Variants in INCA1 observed in about 807,000 individuals in gnomAD.
INCA1 encodes inhibitor of CDK, cyclin A1 interacting protein 1, also known as protein INCA1.
In INCA1, 28 loss-of-function variants were observed where a neutral mutation model predicts 25.7. That is an observed-to-expected ratio of 1.09 (90% CI 0.81 to 1.49). The LOEUF (loss-of-function observed/expected upper bound fraction) is 1.49, where lower values mean the gene tolerates loss of function less well. Among genes scored for constraint, INCA1 ranks in the 40% most tolerant of loss-of-function variants. The pLI, the probability that INCA1 is intolerant of heterozygous loss-of-function variation, is 0.00. For missense variants in INCA1, 309 were observed against 290.9 expected, an observed-to-expected ratio of 1.06 and a Z score of -0.45; for synonymous variants, 111 against 103.6, an observed-to-expected ratio of 1.07 and a Z score of -0.43.
chr17:4,989,561 GC>G lies in INCA1; in HGVS notation c.261del (p.Met87IlefsTer27). 1 of 1,614,230 alleles carries G rather than the reference GC, an allele frequency of 6.2e-7. No homozygotes were observed. On this transcript the variant is annotated frameshift_variant, in exon 5 of 7. Coordinates refer to ENST00000576820, the Ensembl canonical transcript of INCA1. LOFTEE classifies it high-confidence loss of function. ...GGCCTCCTCTTCTTTCTTCTCCAAA[GC>G]ATTTCAGGGGGTGGGAGCTGCTCAG...
chr17:4,995,633 T>TA lies in INCA1; in HGVS notation c.-38-1159dup, dbSNP rs1329103675. Among the ~76,000 whole-genome samples the TA allele has an allele frequency of 5.8e-3, 849 of 147,142 alleles. 5 individuals are homozygous for TA. Among genetic ancestry groups the TA allele is most frequent in the African/African-American group, 0.011 (460 of 40,332 alleles). On this transcript the variant is annotated intron_variant, in intron 1 of 6. Coordinates refer to ENST00000576820, the Ensembl canonical transcript of INCA1. ...AATACAGAGAGACGTCATCTCTATT[T>TA]AAAAAAAAAAAGTTGGCTGGGTGTG... is the stretch of plus-strand genomic sequence containing the variant.
At chr17:4,989,615 C>A in exon 5 of INCA1, 2 of 1,613,680 alleles carry the variant, frequency 1.2e-6, no homozygotes, top group Non-Finnish European at 1.7e-6. Flanking sequence ...TGGGAGCAAC[C>A]AGTGGCTCTC....
chr17:4,988,774 A>G lies in INCA1; in HGVS notation c.561+5T>C, dbSNP rs1446333950. ...TCACTCCACCCAGTTCCACTCCAAC[A>G]ATACCTGGGCCCTGCCAGGAGTGAG... On this transcript the variant is annotated splice_donor_5th_base_variant and intron_variant, in intron 6 of 6. Transcript: ENST00000576820. 1 of 1,614,112 alleles carries G rather than the reference A, an allele frequency of 6.2e-7. No individual in the cohort carries two copies. The highest frequency in any genetic ancestry group is 8.5e-7 in the Non-Finnish European group (1 of 1,179,970).
At chr17:4,994,531 C>A in intron 1 of INCA1, 56 bp from the exon 2 acceptor site, 1 of 1,381,248 alleles carries the variant, frequency 7.2e-7, no homozygotes. Flanking sequence ...GTGGCTCACG[C>A]CTGTAATCCC....
At chr17:4,993,645 A>G (rs1447420242) in intron 2 of INCA1, among the ~76,000 whole-genome samples, 2 of 143,646 alleles carry the variant, frequency 1.4e-5, no homozygotes, top group Non-Finnish European at 3.0e-5. Context: ...ATTTTTTTGT[A>G]TTTTTAGTAG....
chr17:4,989,809 G>T (rs967343555), intron 4 of INCA1, 81 bp downstream of exon 4: 5 of 1,599,472 alleles, frequency 3.1e-6, no homozygotes, highest in Non-Finnish European at 4.3e-6. Context: ...GAGGGAAGCG[G>T]TAATAAGGAG....
At chr17:4,992,117 AATG>A (rs1239145161) in intron 2 of INCA1, among the ~76,000 whole-genome samples, 2 of 152,180 alleles carry the variant, frequency 1.3e-5, no homozygotes, top group Non-Finnish European at 2.9e-5. Context: ...TTATCCATAC[AATG>A]ATAATTATTG....
exon 5 of INCA1, chr17:4,989,439 G>A: frequency 1.2e-6 from 2 of 1,613,338 alleles, no homozygotes; most frequent in Non-Finnish European, 1.7e-6. Flanking sequence ...CGTTGATGAT[G>A]CTCTGACGCC....
intron 5 of INCA1, 60 bp downstream of exon 5, chr17:4,989,368 A>T: frequency 6.6e-7 from 1 of 1,514,950 alleles, no homozygotes; most frequent in South Asian, 1.2e-5. Flanking sequence ...TCCTTAGCTC[A>T]AACTGTTCTG....
chr17:4,988,748 C>G (rs1973562575), intron 6 of INCA1, 31 bp downstream of exon 6: 1 of 1,612,996 alleles, frequency 6.2e-7, no homozygotes, highest in Non-Finnish European at 8.5e-7. Flanking sequence ...ACATCACTCC[C>G]TCACTCCACC....
chr17:4,996,408 G>T (rs1325760249), intron 1 of INCA1, among the ~76,000 whole-genome samples: 2 of 150,202 alleles, frequency 1.3e-5, no homozygotes, highest in African/African-American at 4.9e-5. Context: ...AAAGCCAGGC[G>T]CGGTGGCTCA....
At chr17:4,996,331 C>A (rs1392048433) in intron 1 of INCA1, among the ~76,000 whole-genome samples, 1 of 151,086 alleles carries the variant, frequency 6.6e-6, no homozygotes, top group Non-Finnish European at 1.5e-5. Context: ...GAGGTAAGAT[C>A]GCACCACTGC....
At chr17:4,995,525 T>C (rs994869058) in intron 1 of INCA1, among the ~76,000 whole-genome samples, 6 of 152,188 alleles carry the variant, frequency 3.9e-5, no homozygotes, top group Non-Finnish European at 7.3e-5. Flanking sequence ...CCGGGTGCAG[T>C]GGCTCACACC....
At chr17:4,991,203 C>T (rs1359561113) in intron 2 of INCA1, among the ~76,000 whole-genome samples, 1 of 152,096 alleles carries the variant, frequency 6.6e-6, no homozygotes, top group Admixed American at 6.6e-5. Context: ...CAGGTGTGAG[C>T]CATTGTGCCC....
chr17:4,989,832 G>C, intron 4 of INCA1, 58 bp downstream of exon 4: 2 of 1,612,682 alleles, frequency 1.2e-6, no homozygotes, highest in Non-Finnish European at 1.7e-6. Flanking sequence ...CTTGGGACAG[G>C]ACAGCAGTGG....
chr17:4,989,133 A>G (rs997685086), intron 5 of INCA1, among the ~76,000 whole-genome samples, 189 bp from the exon 6 acceptor site: 5 of 151,788 alleles, frequency 3.3e-5, no homozygotes, highest in Admixed American at 1.3e-4. Context: ...CCCAGAGGTG[A>G]CCCCAACCTC....
chr17:4,990,864 CAA>C (rs772216183), intron 2 of INCA1, among the ~76,000 whole-genome samples: 18 of 149,230 alleles, frequency 1.2e-4, no homozygotes, highest in South Asian at 2.1e-4. Context: ...GCTTGGGTGA[CAA>C]GAGAGAAACT....
chr17:4,989,786 T>C (rs1411404728), intron 4 of INCA1, 104 bp downstream of exon 4: 3 of 1,577,320 alleles, frequency 1.9e-6, no homozygotes, highest in South Asian at 1.1e-5. Flanking sequence ...AGTGCACTGG[T>C]TGGGGAATAA....
chr17:4,994,239 A>C (rs1443351043), intron 2 of INCA1, among the ~76,000 whole-genome samples, 155 bp downstream of exon 2: 1 of 152,192 alleles, frequency 6.6e-6, no homozygotes, highest in African/African-American at 2.4e-5. Context: ...GTAGTGTTCA[A>C]ACTATTTGTT....
Sources: gnomAD v4.1 joint callset for allele counts (sites outside exome capture counted in the v4.1 genomes callset) on GRCh38, gnomAD v4.1.1 for gene constraint, MANE v1.5 for transcripts, NCBI Gene and HGNC (gene_info 2026-07-23, HGNC 2026-07-21) for gene names.